Variants in GALNT13 observed in about 807,000 individuals in gnomAD.
GALNT13 encodes the protein polypeptide N-acetylgalactosaminyltransferase 13, also known as UDP-GalNAc:polypeptide N-acetylgalactosaminyltransferase 13.
Under a neutral mutation model 64.2 loss-of-function variants are expected in GALNT13, and 28 were observed. That is an observed-to-expected ratio of 0.44 (90% confidence interval 0.32 to 0.60). The LOEUF (loss-of-function observed/expected upper bound fraction) is 0.60. GALNT13 is among the 20% of genes least tolerant of loss of function. The probability of loss-of-function intolerance (pLI) is 0.05; values close to 1 mark genes in which losing one functional copy is unlikely to be tolerated. For synonymous variants in GALNT13, 214 were observed against 224.6 expected, an observed-to-expected ratio of 0.95 and a Z score of 0.42; for missense variants, 577 against 669.8, an observed-to-expected ratio of 0.86 and a Z score of 1.53.
chr2:153,219,129 T>G, the GALNT13 span, among the ~76,000 whole-genome samples: 107 of 152,234 alleles, frequency 7.0e-4, no homozygotes, highest in Non-Finnish European at 1.4e-3. Context: ...ATAGACTGTA[T>G]GCCTCAAAGC....
intron 3 of GALNT13, among the ~76,000 whole-genome samples, chr2:153,957,240 G>A (rs1234135636): frequency 1.3e-5 from 2 of 152,130 alleles, no homozygotes; most frequent in South Asian, 2.1e-4. Context: ...GCCAAATTTT[G>A]TTTGCCTCAA....
chr2:153,435,599 T>C, the GALNT13 span, among the ~76,000 whole-genome samples: 5 of 152,064 alleles, frequency 3.3e-5, no homozygotes, highest in African/African-American at 2.4e-5. Context: ...CAATTGTGAA[T>C]GGGATTTCAC....
At chr2:153,640,921 A>T in the GALNT13 span, among the ~76,000 whole-genome samples, 4 of 152,122 alleles carry the variant, frequency 2.6e-5, no homozygotes. Context: ...ATGATAAAAT[A>T]GAATTTTTTT....
At chr2:153,297,018 T>C in the GALNT13 span, among the ~76,000 whole-genome samples, 28,297 of 152,088 alleles carry the variant, frequency 0.19, 2,822 homozygotes, top group African/African-American at 0.24. Flanking sequence ...GAAGAGAGTA[T>C]ATTCCATCTC....
At chr2:153,714,671 A>G in the GALNT13 span, among the ~76,000 whole-genome samples, 1 of 152,222 alleles carries the variant, frequency 6.6e-6, no homozygotes, top group Non-Finnish European at 1.5e-5. Context: ...CAATGTACCT[A>G]TTCAAGCTTC....
the GALNT13 span, among the ~76,000 whole-genome samples, chr2:153,098,960 T>C: frequency 6.6e-6 from 1 of 152,264 alleles, no homozygotes; most frequent in African/African-American, 2.4e-5. Flanking sequence ...ACTGTAAATA[T>C]GATAAAATGA....
At chr2:153,431,785 C>T in the GALNT13 span, among the ~76,000 whole-genome samples, 1 of 152,218 alleles carries the variant, frequency 6.6e-6, no homozygotes, top group Non-Finnish European at 1.5e-5. Context: ...ATATTTCACA[C>T]AGAATGGCTA....
the GALNT13 span, among the ~76,000 whole-genome samples, chr2:153,571,288 A>AT: frequency 6.6e-6 from 1 of 151,934 alleles, no homozygotes; most frequent in Non-Finnish European, 1.5e-5. Context: ...AATGCTACTG[A>AT]TTTTTGTATT....
chr2:153,172,269 C>T, the GALNT13 span, among the ~76,000 whole-genome samples: 64,615 of 151,860 alleles, frequency 0.43, 14,123 homozygotes, highest in East Asian at 0.74. Flanking sequence ...ATAGAGGGAG[C>T]CTTGGTGTAG....
chr2:153,667,492 A>G, the GALNT13 span, among the ~76,000 whole-genome samples: 1 of 152,094 alleles, frequency 6.6e-6, no homozygotes, highest in Non-Finnish European at 1.5e-5. Flanking sequence ...AAAGAAAAGA[A>G]ATTCCAACCA....
chr2:153,207,445 T>C, the GALNT13 span, among the ~76,000 whole-genome samples: 2 of 152,140 alleles, frequency 1.3e-5, no homozygotes, highest in Non-Finnish European at 2.9e-5. Flanking sequence ...CTTTTTGTGA[T>C]ATCAACAACT....
the GALNT13 span, among the ~76,000 whole-genome samples, chr2:153,260,893 T>G: frequency 1.3e-5 from 2 of 151,938 alleles, no homozygotes; most frequent in Non-Finnish European, 2.9e-5. Flanking sequence ...TTTTATTCTT[T>G]TTTCTTTTTG....
chr2:153,555,175 G>A, the GALNT13 span, among the ~76,000 whole-genome samples: 3 of 149,696 alleles, frequency 2.0e-5, no homozygotes, highest in African/African-American at 7.4e-5. Context: ...TTGTTAATGT[G>A]AAACAGAAGC....
chr2:154,424,782 C>T (rs1471267783), intron 11 of GALNT13, among the ~76,000 whole-genome samples: 1 of 152,220 alleles, frequency 6.6e-6, no homozygotes, highest in Non-Finnish European at 1.5e-5. Context: ...CTCTTCCCTA[C>T]CACCATACTT....
the GALNT13 span, among the ~76,000 whole-genome samples, chr2:153,364,742 A>C: frequency 6.6e-6 from 1 of 152,204 alleles, no homozygotes; most frequent in Non-Finnish European, 1.5e-5. Flanking sequence ...GAGAGGACAC[A>C]AACAAATGGA....
chr2:153,933,434 T>G (rs1690671905), intron 2 of GALNT13, among the ~76,000 whole-genome samples: 2 of 152,194 alleles, frequency 1.3e-5, no homozygotes, highest in African/African-American at 4.8e-5. Context: ...TGTCCATACC[T>G]TTACTTTGAG....
chr2:153,937,968 A>G (rs1691067044), intron 2 of GALNT13, among the ~76,000 whole-genome samples: 1 of 152,224 alleles, frequency 6.6e-6, no homozygotes, highest in Admixed American at 6.5e-5. Flanking sequence ...AGACATATGT[A>G]ATTATTGTCA....
chr2:153,350,743 G>A, the GALNT13 span, among the ~76,000 whole-genome samples: 3 of 152,024 alleles, frequency 2.0e-5, no homozygotes, highest in Non-Finnish European at 4.4e-5. Flanking sequence ...TTGGCGTGAG[G>A]AAGTATATCC....
At chr2:154,203,900 A>G (rs943749436) in intron 4 of GALNT13, among the ~76,000 whole-genome samples, 2 of 152,284 alleles carry the variant, frequency 1.3e-5, no homozygotes, top group Non-Finnish European at 2.9e-5. Context: ...AACTAAGTGG[A>G]ATGGGGTCAC....
Sources: gnomAD v4.1 joint callset for allele counts (sites outside exome capture counted in the v4.1 genomes callset) on GRCh38, gnomAD v4.1.1 for gene constraint, MANE v1.5 for transcripts, NCBI Gene and HGNC (gene_info 2026-07-23, HGNC 2026-07-21) for gene names.